Variants in PARD3B observed in about 807,000 individuals in gnomAD.
PARD3B encodes partitioning defective 3 homolog B.
Under a neutral mutation model 130.2 loss-of-function variants are expected in PARD3B, and 103 were observed. The ratio of observed to expected loss-of-function variants is 0.79; its 90% CI spans 0.67 to 0.93. The LOEUF is 0.93. PARD3B is among the 40% of genes least tolerant of loss of function. The probability of loss-of-function intolerance (pLI) is 0.00; values close to 1 mark genes in which losing one functional copy is unlikely to be tolerated. For synonymous variants in PARD3B, 583 were observed against 553.2 expected (o/e 1.05, Z -0.76); for missense variants, 1,609 against 1,499.2 (o/e 1.07, Z -1.21).
intron 2 of PARD3B, among the ~76,000 whole-genome samples, chr2:204,928,734 G>A (rs1008566752): frequency 6.6e-6 from 1 of 152,120 alleles, no homozygotes; most frequent in African/African-American, 2.4e-5. Flanking sequence ...TGGGCATGCT[G>A]ATTTAGCATT....
chr2:205,580,776 G>A (rs2053934810), intron 22 of PARD3B, among the ~76,000 whole-genome samples: 1 of 152,148 alleles, frequency 6.6e-6, no homozygotes, highest in Admixed American at 6.5e-5. Flanking sequence ...AATGGTTGCT[G>A]CATTCTTCAC....
At chr2:205,220,385 A>T (rs781021579) in intron 15 of PARD3B, among the ~76,000 whole-genome samples, 17 of 152,144 alleles carry the variant, frequency 1.1e-4, no homozygotes, top group Non-Finnish European at 2.2e-4. Context: ...TTAGGTTCTC[A>T]TGTTTTCTTT....
intron 5 of PARD3B, among the ~76,000 whole-genome samples, chr2:205,112,335 A>T (rs541303434): frequency 6.6e-6 from 1 of 152,234 alleles, no homozygotes; most frequent in Non-Finnish European, 1.5e-5. Context: ...CACTGATGAG[A>T]ATATATTTAA....
At chr2:204,880,544 C>CA (rs1168610310) in intron 2 of PARD3B, among the ~76,000 whole-genome samples, 1 of 150,968 alleles carries the variant, frequency 6.6e-6, no homozygotes, top group Non-Finnish European at 1.5e-5. Flanking sequence ...CCTGTAGTCT[C>CA]ACCTACTTGG....
chr2:204,713,814 T>A (rs1203653621), intron 2 of PARD3B, among the ~76,000 whole-genome samples: 1 of 118,292 alleles, frequency 8.5e-6, no homozygotes, highest in Non-Finnish European at 1.8e-5. Flanking sequence ...TTTATCAATG[T>A]TGTTCAAGGG....
chr2:204,820,163 C>T (rs1216420059), intron 2 of PARD3B, among the ~76,000 whole-genome samples: 2 of 142,700 alleles, frequency 1.4e-5, no homozygotes, highest in Non-Finnish European at 3.0e-5. Context: ...GCAACCTCTA[C>T]CTCCCGGGTT....
chr2:205,161,526 A>C (rs116804302), intron 11 of PARD3B, among the ~76,000 whole-genome samples: 2 of 152,188 alleles, frequency 1.3e-5, no homozygotes, highest in Non-Finnish European at 2.9e-5. Context: ...GGGAAAAAAA[A>C]GTATTTTTCC....
chr2:204,598,212 G>A (rs1232980412), intron 1 of PARD3B, among the ~76,000 whole-genome samples: 1 of 151,916 alleles, frequency 6.6e-6, no homozygotes, highest in Non-Finnish European at 1.5e-5. Context: ...TGTTTCCTGG[G>A]TAGTTCTTTT....
In PARD3B at chr2:205,300,781, A is replaced by G. The variant is rs774880818; in HGVS notation, c.2392+45A>G. On this transcript the variant is annotated intron_variant, in intron 17 of 22. Transcript: ENST00000406610. The surrounding 1 kb of genome is among the most constrained non-coding windows in gnomAD (Gnocchi z 4.1). ...TAAATGGCTTCTTCATCTCATTATT[A>G]TCTGCAAATCATGGGCAAGAATGTG... The G allele has an allele frequency of 1.3e-6, 2 of 1,557,048 alleles. No homozygotes were observed. Among genetic ancestry groups the G allele is most frequent in the Non-Finnish European group, 1.8e-6 (2 of 1,135,602 alleles).
intron 18 of PARD3B, among the ~76,000 whole-genome samples, chr2:205,368,595 G>A (rs1375511873): frequency 6.6e-6 from 1 of 152,118 alleles, no homozygotes. Flanking sequence ...TCGGGCCACT[G>A]CACTCCAGCC....
At chr2:204,646,277 A>T (rs745519910) in intron 1 of PARD3B, among the ~76,000 whole-genome samples, 1 of 152,094 alleles carries the variant, frequency 6.6e-6, no homozygotes, top group Non-Finnish European at 1.5e-5. Context: ...TGCAGAGGAA[A>T]GCACTATCCT....
At chr2:205,566,058 C>T (rs779427641) in intron 22 of PARD3B, among the ~76,000 whole-genome samples, 5 of 152,040 alleles carry the variant, frequency 3.3e-5, no homozygotes, top group Admixed American at 2.0e-4. Flanking sequence ...GAACAGCACA[C>T]GCAGAGGCCT....
intron 2 of PARD3B, among the ~76,000 whole-genome samples, chr2:204,831,453 A>G (rs1216104186): frequency 6.6e-6 from 1 of 152,228 alleles, no homozygotes; most frequent in Non-Finnish European, 1.5e-5. Flanking sequence ...CATTGTTTTA[A>G]TAACTTATGT....
intron 16 of PARD3B, among the ~76,000 whole-genome samples, chr2:205,296,663 A>ATGTGTATG (rs1553663143): frequency 3.4e-4 from 47 of 137,926 alleles, no homozygotes; most frequent in African/African-American, 1.2e-3. Flanking sequence ...GTGTTTGTGT[A>ATGTGTATG]TGTGTGTGTG....
At chr2:205,496,933 G>A (rs776599618) in intron 20 of PARD3B, among the ~76,000 whole-genome samples, 5 of 151,620 alleles carry the variant, frequency 3.3e-5, no homozygotes, top group South Asian at 2.1e-4. Context: ...GAACTCATCT[G>A]GTGAGTTTGA....
At chr2:204,559,959 G>T (rs2031201218) in intron 1 of PARD3B, among the ~76,000 whole-genome samples, 1 of 150,420 alleles carries the variant, frequency 6.6e-6, no homozygotes, top group Non-Finnish European at 1.5e-5. Flanking sequence ...AACACTCCAG[G>T]TTCTCACTCA....
intron 1 of PARD3B, 64 bp from the exon 2 acceptor site, chr2:204,686,117 A>G (rs924353940): frequency 1.0e-5 from 12 of 1,145,006 alleles, no homozygotes; most frequent in East Asian, 2.4e-5. Flanking sequence ...GTCTCTTAAC[A>G]TTAAAATGTG....
chr2:205,548,838 A>C (rs912970168), intron 21 of PARD3B, among the ~76,000 whole-genome samples: 3 of 152,170 alleles, frequency 2.0e-5, no homozygotes, highest in Non-Finnish European at 4.4e-5. Flanking sequence ...GAGAGAAGCT[A>C]CAGATTGGGA....
chr2:205,519,842 T>TTAGCAGGGCATTTTGTAA (rs2050959747), intron 21 of PARD3B, among the ~76,000 whole-genome samples: 1 of 151,962 alleles, frequency 6.6e-6, no homozygotes, highest in African/African-American at 2.4e-5. Context: ...GAGGTGGGTA[T>TTAGCAGGGCATTTTGTAA]GTTAGCAGGG....
Sources: allele counts gnomAD v4.1 joint callset (sites outside exome capture counted in the v4.1 genomes callset), GRCh38; gene constraint gnomAD v4.1.1; non-coding constraint Gnocchi (gnomAD v3.1); transcripts MANE v1.5; gene names NCBI Gene and HGNC (gene_info 2026-07-23, HGNC 2026-07-21).